Variants in DSP observed in about 807,000 individuals in gnomAD.
DSP encodes desmoplakin, also known as 250/210 kDa paraneoplastic pemphigus antigen.
DSP carries 114 observed loss-of-function variants against 290.6 expected under a neutral mutation model. The ratio of observed to expected loss-of-function variants is 0.39; its 90% confidence interval spans 0.34 to 0.46. The LOEUF is 0.46. Among genes scored for constraint, DSP ranks in the 20% least tolerant of loss-of-function variants. DSP has a pLI of 0.99. For missense variants in DSP, 3,230 were observed against 3,495.8 expected (o/e 0.92, Z 1.92); for synonymous variants, 1,311 against 1,316.4 (o/e 1.00, Z 0.09).
rs761749643 is a variant in DSP, at chr6:7,580,108, T to C, written c.3918T>C (p.Asn1306=). The C allele has an allele frequency of 5.0e-6, 8 of 1,613,922 alleles. No individual in the cohort carries two copies. The highest frequency in any genetic ancestry group is 2.2e-5 in the East Asian group (1 of 44,864). Residue 1306 remains asparagine, a synonymous_variant, in exon 23 of 24, where the codon AAT becomes AAC. Coordinates refer to ENST00000379802, the MANE Select transcript of DSP (RefSeq NM_004415.4). This position sits in a 1 kb window ranked among gnomAD's most constrained non-coding sequence, Gnocchi z 4.2. The stretch of plus-strand genomic sequence containing the variant: ...TCATGCAGCAGCGCTCTGAGGACAA[T>C]GCCCGGCACAAGCAGTCCCTGGAGG... ...KQVMQQRSED[N]ARHKQSLEEA...
At position 7,569,275 on chromosome 6, in the gene DSP, G is replaced by C; in HGVS notation, c.1509G>C (p.Met503Ile). Reference protein sequence around the residue: ...WYVTGPGGVDMLVPSVGLIIP... With the variant: ...WYVTGPGGVDILVPSVGLIIP... ...TGACGGGCCCGGGAGGCGTTGACAT[G>C]CTTGTTCCCTCTGTGGGGCTGATCA... Residue 503 changes from methionine (M) to isoleucine (I), a missense_variant, in exon 12 of 24, where the codon ATG becomes ATC. Met to Ile is a conservative substitution (Grantham distance 10). This residue lies in a region of DSP where 646 missense variants were observed against 684.3 expected (regional missense o/e 0.94). Coordinates refer to ENST00000379802, the MANE Select transcript of DSP (RefSeq NM_004415.4). 1 of 1,614,180 alleles carries C rather than the reference G, an allele frequency of 6.2e-7. No individual in the cohort carries two copies. Among genetic ancestry groups the C allele is most frequent in the Non-Finnish European group, 8.5e-7 (1 of 1,180,034 alleles).
At chr6:7,544,402 A>G (rs1184032586) in intron 1 of DSP, among the ~76,000 whole-genome samples, 1 of 152,142 alleles carries the variant, frequency 6.6e-6, no homozygotes, top group Non-Finnish European at 1.5e-5. Flanking sequence ...GCTCTCTGCT[A>G]AGTGAATGAT....
In DSP at chr6:7,584,792, A is replaced by G. The variant is rs1364525049; in HGVS notation, c.7530A>G (p.Gly2510=). Residue 2510 remains glycine, a synonymous_variant, in exon 24 of 24, where the codon GGA becomes GGG. Coordinates refer to ENST00000379802, the MANE Select transcript of DSP (RefSeq NM_004415.4). This position sits in a 1 kb window ranked among gnomAD's most constrained non-coding sequence, Gnocchi z 6.4. ...ECEWEEITIT[G]SDGSTRVVLV... is the part of the protein sequence containing the mutation. ...AATGGGAAGAAATAACCATCACGGG[A>G]TCAGATGGCTCCACCAGGGTGGTCC... The G allele has an allele frequency of 2.5e-6, 4 of 1,614,110 alleles. No individual in the cohort carries two copies. The highest frequency in any genetic ancestry group is 3.4e-6 in the Non-Finnish European group (4 of 1,180,052).
intron 1 of DSP, among the ~76,000 whole-genome samples, chr6:7,554,127 C>CACACACACACT (rs1171658955): frequency 4.2e-5 from 1 of 23,968 alleles, no homozygotes; most frequent in African/African-American, 1.9e-4. Flanking sequence ...ACACACACAC[C>CACACACACACT]CAGTTGGTTA....
chr6:7,567,233 GCTT>G (rs1425141375), intron 8 of DSP, 118 bp from the exon 9 acceptor site: 16 of 821,792 alleles, frequency 1.9e-5, no homozygotes, highest in Non-Finnish European at 3.2e-5. Flanking sequence ...AAAAATATCT[GCTT>G]GACTTAGAAT....
Position 7,541,764 on chromosome 6 carries a change from G to A in DSP, c.-152G>A, listed in dbSNP as rs2113627874. On this transcript the variant is annotated 5_prime_UTR_variant, in exon 1 of 24. Coordinates refer to ENST00000379802, the MANE Select transcript of DSP (RefSeq NM_004415.4). ...TCCGCGCTCGCAGCGGCCTCGGGAG[G>A]GCCCAGGTAGCGAGCAGCGACCTCG... 1 of 967,966 alleles carries A rather than the reference G, an allele frequency of 1.0e-6. No individual in the cohort carries two copies. Among genetic ancestry groups the A allele is most frequent in the South Asian group, 1.8e-5 (1 of 54,150 alleles). 60.0% of individuals were successfully genotyped at this position (967,966 alleles called of 1,614,324 possible).
chr6:7,571,321 CT>C (rs1759042899), intron 13 of DSP, 61 bp from the exon 14 acceptor site: 2 of 1,601,002 alleles, frequency 1.2e-6, no homozygotes, highest in Admixed American at 1.7e-5. Context: ...TTGGCCAACT[CT>C]TCTTGATTGC....
rs1339486272 is a variant in DSP at position 7,572,015 on chromosome 6, C to G, written c.2077C>G (p.Leu693Val). The G allele has an allele frequency of 1.9e-6, 3 of 1,614,172 alleles. No homozygotes were observed. The highest frequency in any genetic ancestry group is 3.3e-5 in the Admixed American group (2 of 60,030). Reference protein sequence around the residue: ...EGRMTLKNLPLADQGSSHHIT... With the variant: ...EGRMTLKNLPVADQGSSHHIT... Reference sequence around the variant, plus strand: ...CAGGATGACTCTCAAAAACCTCCCTCTAGCAGACCAGGGATCTTCTCACCA... The same window carrying G: ...CAGGATGACTCTCAAAAACCTCCCTGTAGCAGACCAGGGATCTTCTCACCA... Residue 693 changes from leucine to valine, a missense_variant, in exon 15 of 24, where the codon CTA becomes GTA. Physicochemically the swap from Leu to Val is conservative, Grantham distance 32. This residue lies in a region of DSP where 1,714 missense variants were observed against 1,844.5 expected (regional missense o/e 0.93). Transcript: ENST00000379802.
chr6:7,581,392 G>T lies in DSP; in HGVS notation c.5202G>T (p.Leu1734=). The T allele has an allele frequency of 6.2e-7, 1 of 1,614,124 alleles. No homozygotes were observed. The highest frequency in any genetic ancestry group is 8.5e-7 in the Non-Finnish European group (1 of 1,180,030). The stretch of plus-strand genomic sequence containing the variant: ...ACCTGAGGCTGGAGTACGATGACCT[G>T]AGGAGAGGACGAAGCGAAGCGGACA... ...LRNLRLEYDD[L]RRGRSEADSD... The change falls in exon 23 of 24, where the codon CTG becomes CTT. Residue 1734 remains leucine, a synonymous_variant. Transcript: ENST00000379802.
chr6:7,566,829 G>A (rs751465905), intron 8 of DSP, among the ~76,000 whole-genome samples: 21 of 152,306 alleles, frequency 1.4e-4, no homozygotes, highest in South Asian at 1.2e-3. Flanking sequence ...CTATAGTTTG[G>A]TGACCGCTGC....
rs996098764 is a variant in DSP, at chr6:7,562,681, G to A, written c.627G>A (p.Val209=). Reference sequence around the variant, plus strand: ...AGATGGACATGGTGGCCTGGGGTGTGGACCTGGCCTCAGTGGAGCAGCACA... The same window carrying A: ...AGATGGACATGGTGGCCTGGGGTGTAGACCTGGCCTCAGTGGAGCAGCACA... ...RAEMDMVAWG[V]DLASVEQHIN... The change falls in exon 5 of 24, where the codon GTG becomes GTA. Residue 209 remains valine (V), a synonymous_variant. Transcript: ENST00000379802. 6.2e-7 allele frequency: 1 copy of A among 1,614,136 alleles called. No individual in the cohort carries two copies. The highest frequency in any genetic ancestry group is 1.3e-5 in the African/African-American group (1 of 75,018).
rs1424884336 is a variant in DSP at position 7,574,151 on chromosome 6, C to T, written c.2196C>T (p.Asn732=). The change falls in exon 16 of 24, where the codon AAC becomes AAT. Residue 732 remains asparagine (N), a synonymous_variant. Transcript: ENST00000379802. ...VLNQLKDMLA[N]FRGSEKYCYL... ...ACCAGCTTAAAGATATGCTTGCCAA[C>T]TTCAGAGGTTCTGAAAAGTACTGCT... 6 of 1,613,980 alleles carry T rather than the reference C, an allele frequency of 3.7e-6. No homozygotes were observed. Among genetic ancestry groups the T allele is most frequent in the Non-Finnish European group, 5.1e-6 (6 of 1,179,978 alleles).
intron 15 of DSP, 135 bp from the exon 16 acceptor site, chr6:7,573,951 T>C: frequency 1.1e-6 from 1 of 939,284 alleles, no homozygotes; most frequent in Non-Finnish European, 1.7e-6. Flanking sequence ...AGTTGACTGA[T>C]GTGTTAATTT....
chr6:7,554,890 A>G lies in DSP; in HGVS notation c.171-828A>G, dbSNP rs549606586. Reference sequence around the variant, plus strand: ...GGCTGGTCTCCAACTCCTAGACTTAATCAGTCTGCCTGCCTTGGCTTCCCA... The same window carrying G: ...GGCTGGTCTCCAACTCCTAGACTTAGTCAGTCTGCCTGCCTTGGCTTCCCA... On this transcript the variant is annotated intron_variant, in intron 1 of 23. Transcript: ENST00000379802. Among the ~76,000 whole-genome samples, 53 of 152,218 alleles carry G rather than the reference A, an allele frequency of 3.5e-4. No individual in the cohort carries two copies. In the South Asian group the frequency reaches 0.011, roughly 32 times the overall value.
intron 1 of DSP, among the ~76,000 whole-genome samples, chr6:7,543,851 TA>T (rs1178825256): frequency 3.3e-5 from 5 of 152,248 alleles, no homozygotes; most frequent in African/African-American, 1.2e-4. Context: ...AGTAAAACTT[TA>T]ATAAATTAAG....
Position 7,565,389 on chromosome 6 carries a change from C to T in DSP, c.808C>T (p.Arg270Ter), listed in dbSNP as rs1225658091. 6.2e-7 allele frequency: 1 copy of T among 1,614,044 alleles called. No individual in the cohort carries two copies. Among genetic ancestry groups the T allele is most frequent in the South Asian group, 1.1e-5 (1 of 91,076 alleles). ...GTCCTTTGAGAGGATGGATCACCTGCGACAGCTGCAGAACATCATTCAGGC... is the reference window on the plus strand; with the variant it reads ...GTCCTTTGAGAGGATGGATCACCTGTGACAGCTGCAGAACATCATTCAGGC... The part of the protein sequence containing the change: ...KASFERMDHL[R>*]QLQNIIQATS... The change falls in exon 7 of 24, where the codon CGA becomes TGA. Residue 270 changes from arginine (R) to a stop codon, truncating the protein, a stop_gained. Coordinates refer to ENST00000379802, the MANE Select transcript of DSP (RefSeq NM_004415.4). LOFTEE classifies it high-confidence loss of function. The surrounding 1 kb of genome is among the most constrained non-coding windows in gnomAD (Gnocchi z 4.2).
intron 4 of DSP, among the ~76,000 whole-genome samples, chr6:7,559,629 CT>C (rs1758620771): frequency 6.6e-6 from 1 of 152,130 alleles, no homozygotes; most frequent in African/African-American, 2.4e-5. Flanking sequence ...TATAGTCATC[CT>C]TTATCACACA....
At chr6:7,563,698 A>T in intron 5 of DSP, 38 bp from the exon 6 acceptor site, 1 of 1,561,874 alleles carries the variant, frequency 6.4e-7, no homozygotes, top group Non-Finnish European at 8.8e-7. Flanking sequence ...ACAATCCACA[A>T]GGGGATTTAT....
chr6:7,543,954 A>G (rs1758096251), intron 1 of DSP, among the ~76,000 whole-genome samples: 1 of 152,172 alleles, frequency 6.6e-6, no homozygotes, highest in African/African-American at 2.4e-5. Flanking sequence ...TTCCTTGTGT[A>G]GTATCATCCC....
Sources: gnomAD v4.1 joint callset for allele counts (sites outside exome capture counted in the v4.1 genomes callset) on GRCh38, gnomAD v4.1.1 for gene constraint, gnomAD v4.1.1 regional missense constraint, Gnocchi (gnomAD v3.1) non-coding constraint, MANE v1.5 for transcripts, NCBI Gene and HGNC (gene_info 2026-07-23, HGNC 2026-07-21) for gene names.